Variants in PKHD1 observed in about 807,000 individuals in gnomAD.
PKHD1 encodes the protein fibrocystin.
PKHD1 carries 291 observed loss-of-function variants against 412.0 expected under a neutral mutation model. The ratio of observed to expected loss-of-function variants is 0.71; its 90% CI spans 0.64 to 0.78. PKHD1 has a LOEUF of 0.78. PKHD1 is among the 30% of genes least tolerant of loss of function. The probability of loss-of-function intolerance (pLI) is 0.00; values close to 1 mark genes in which losing one functional copy is unlikely to be tolerated. For missense variants in PKHD1, 4,825 were observed against 4,950.7 expected (o/e 0.97, Z 0.76); for synonymous variants, 1,777 against 1,821.5 (o/e 0.98, Z 0.62).
chr6:51,686,627 T>C (rs1186683900), intron 60 of PKHD1, among the ~76,000 whole-genome samples: 6 of 152,208 alleles, frequency 3.9e-5, no homozygotes, highest in Non-Finnish European at 1.5e-5. Context: ...TTATTTATTA[T>C]GTATATTACT....
At chr6:51,704,898 G>C (rs1779833797) in intron 60 of PKHD1, among the ~76,000 whole-genome samples, 2 of 151,936 alleles carry the variant, frequency 1.3e-5, no homozygotes, top group African/African-American at 4.8e-5. Flanking sequence ...GGAGAAGGCA[G>C]TTAAAGACAA....
At chr6:51,836,522 A>T in intron 50 of PKHD1, 53 bp from the exon 51 acceptor site, 1 of 1,248,802 alleles carries the variant, frequency 8.0e-7, no homozygotes, top group South Asian at 1.2e-5. Context: ...TCTTAATATT[A>T]AAGACAGTCA....
At chr6:52,030,939 T>A (rs1055979476) in intron 29 of PKHD1, among the ~76,000 whole-genome samples, 8 of 152,282 alleles carry the variant, frequency 5.3e-5, no homozygotes, top group Non-Finnish European at 8.8e-5. Flanking sequence ...AATTTAGCAC[T>A]GGCAGGCTTT....
intron 39 of PKHD1, 31 bp from the exon 40 acceptor site, chr6:51,909,505 A>G: frequency 1.3e-6 from 2 of 1,564,662 alleles, no homozygotes; most frequent in Non-Finnish European, 8.8e-7. Flanking sequence ...CAGAGAACCT[A>G]AAGCATGTAG....
chr6:52,062,577 T>C lies in PKHD1; in HGVS notation c.1060A>G (p.Ile354Val), dbSNP rs757418497. 1.2e-6 allele frequency: 2 copies of C among 1,614,130 alleles called. No individual in the cohort carries two copies. The highest frequency in any genetic ancestry group is 2.2e-5 in the South Asian group (2 of 91,086). ...TEATPGYRWQIVPNASSPFGF... is the reference protein window; with the variant it reads ...TEATPGYRWQVVPNASSPFGF... ...AATGGAGAACTGGCATTAGGGACAA[T>C]CTGCCACCTGTACCCTGGGGTGGCT... The change falls in exon 14 of 67, where the codon ATT becomes GTT. Residue 354 changes from isoleucine to valine, a missense_variant. By Grantham distance (29) the Ile-to-Val change is conservative. Coordinates refer to ENST00000371117, the MANE Select transcript of PKHD1 (RefSeq NM_138694.4).
chr6:51,777,673 C>A (rs12192846), intron 53 of PKHD1, among the ~76,000 whole-genome samples: 1 of 110,200 alleles, frequency 9.1e-6, no homozygotes. Flanking sequence ...AGTTTAGAGT[C>A]TTTGGGAAAA....
In PKHD1 at chr6:52,083,181, CA is replaced by C. The variant is rs760586271; in HGVS notation, c.126del (p.Phe42LeufsTer22). 1.2e-6 allele frequency: 2 copies of C among 1,601,722 alleles called. No homozygotes were observed. The highest frequency in any genetic ancestry group is 1.7e-6 in the Non-Finnish European group (2 of 1,168,816). On this transcript the variant is annotated frameshift_variant, in exon 3 of 67. Transcript: ENST00000371117. LOFTEE classifies it high-confidence loss of function. ...ACTTGGTAAAACCCCAACCTACCAT[CA>C]AAAATGACTGTGATCCACGTTCCCC... ...LAGGTWITVI[F>X]DGLELGVLYP...
rs200484364 is a variant in PKHD1 at position 52,084,948 on chromosome 6, T to C, written c.-15A>G. 45 of 1,557,312 alleles carry C rather than the reference T, an allele frequency of 2.9e-5. No individual in the cohort carries two copies. Among genetic ancestry groups the C allele is most frequent in the Non-Finnish European group, 4.0e-5 (45 of 1,128,448 alleles). On this transcript the variant is annotated 5_prime_UTR_variant, in exon 2 of 67. Coordinates refer to ENST00000371117, the MANE Select transcript of PKHD1 (RefSeq NM_138694.4). ...CAGGCAGTCATTCTGTCCACTTAAA[T>C]CAATACTCTTAAGATTGCTCAGACA...
rs1554156415 is a variant in PKHD1 at position 51,950,220 on chromosome 6, A to AT, written c.5908+9649_5908+9650insA. ...AATGGGCAATATAGAGAAAAAAAAA[A>AT]ATATATATATATATATATATGAAAT... is the stretch of plus-strand genomic sequence containing the variant. On this transcript the variant is annotated intron_variant, in intron 36 of 66. Coordinates refer to ENST00000371117, the MANE Select transcript of PKHD1 (RefSeq NM_138694.4). 6.9e-3 allele frequency among the ~76,000 whole-genome samples: 680 copies of AT among 98,302 alleles called. 12 individuals are homozygous for AT. The highest frequency in any genetic ancestry group is 0.013 in the African/African-American group (352 of 26,494). The allele number at this position is 98,302 out of a possible 152,430, so 64.5% of individuals were successfully genotyped here.
rs145679664 is a variant in PKHD1 at position 51,983,149 on chromosome 6, A to G, written c.5752-23123T>C. Among the ~76,000 whole-genome samples, 814 of 152,336 alleles carry G rather than the reference A, an allele frequency of 5.3e-3. 6 individuals are homozygous for G. The highest frequency in any genetic ancestry group is 0.019 in the African/African-American group (786 of 41,578). The stretch of plus-strand genomic sequence containing the variant: ...ATTAATTTGTCAGAGAATTTAACAC[A>G]GCAGGACTATCCACAGTCATAACTG... On this transcript the variant is annotated intron_variant, in intron 35 of 66. Coordinates refer to ENST00000371117, the MANE Select transcript of PKHD1 (RefSeq NM_138694.4).
At chr6:52,051,347 C>A (rs1396381372) in intron 21 of PKHD1, among the ~76,000 whole-genome samples, 1 of 152,170 alleles carries the variant, frequency 6.6e-6, no homozygotes, top group East Asian at 1.9e-4. Context: ...TCATAGAGGA[C>A]ATTAGTCAGG....
chr6:51,682,248 G>A (rs1160464715), intron 60 of PKHD1: 1 of 454,864 alleles, frequency 2.2e-6, no homozygotes, highest in Non-Finnish European at 4.4e-6. Context: ...GGAGACCTAG[G>A]ATGAAAACAG....
At chr6:51,714,676 C>T (rs1781046551) in intron 60 of PKHD1, among the ~76,000 whole-genome samples, 1 of 152,166 alleles carries the variant, frequency 6.6e-6, no homozygotes, top group African/African-American at 2.4e-5. Flanking sequence ...GGCTAGCAGG[C>T]TACCATATTG....
At chr6:51,961,481 T>A (rs894177535) in intron 35 of PKHD1, among the ~76,000 whole-genome samples, 10 of 152,084 alleles carry the variant, frequency 6.6e-5, no homozygotes, top group African/African-American at 2.4e-4. Context: ...TCCAGGAGCA[T>A]CGTTGTGAAC....
chr6:51,777,097 C>T (rs966671496), intron 53 of PKHD1, among the ~76,000 whole-genome samples: 8 of 152,082 alleles, frequency 5.3e-5, no homozygotes, highest in Non-Finnish European at 8.8e-5. Flanking sequence ...CTATCAAATG[C>T]GACTTCCCAG....
chr6:51,979,570 A>G (rs2435324), intron 35 of PKHD1, among the ~76,000 whole-genome samples: 148,311 of 151,496 alleles, frequency 0.98, 72,688 homozygotes, highest in East Asian at 1. Context: ...CTCTCCCCCC[A>G]ACACATAGTC....
Position 51,748,278 on chromosome 6 carries a change from G to A in PKHD1, c.9338C>T (p.Ser3113Phe). The stretch of plus-strand genomic sequence containing the variant: ...ATTGTCAGACCAAAGCAGTTCACAA[G>A]AGGAGCACTTGTGGCCTCGGATGTG... ...GFHIRGHKCS[S>F]CELLWSDNVA... is the part of the protein sequence containing the mutation. Residue 3113 changes from serine (S) to phenylalanine (F), a missense_variant, in exon 58 of 67, where the codon TCT becomes TTT. Coordinates refer to ENST00000371117, the MANE Select transcript of PKHD1 (RefSeq NM_138694.4). 6.2e-7 allele frequency: 1 copy of A among 1,614,024 alleles called. No homozygotes were observed. The highest frequency in any genetic ancestry group is 8.5e-7 in the Non-Finnish European group (1 of 1,179,958).
At chr6:51,779,928 GATC>G (rs1462926826) in intron 53 of PKHD1, among the ~76,000 whole-genome samples, 2 of 152,142 alleles carry the variant, frequency 1.3e-5, no homozygotes, top group East Asian at 3.9e-4. Context: ...TAAAAAAACT[GATC>G]ATATGATGAT....
At chr6:51,636,244 T>C (rs1189409664) in intron 64 of PKHD1, among the ~76,000 whole-genome samples, 5 of 152,164 alleles carry the variant, frequency 3.3e-5, no homozygotes, top group Non-Finnish European at 7.4e-5. Flanking sequence ...GTGGAAATGA[T>C]TGCAAATTCT....
Sources: gnomAD v4.1 joint callset for allele counts (sites outside exome capture counted in the v4.1 genomes callset) on GRCh38, gnomAD v4.1.1 for gene constraint, MANE v1.5 for transcripts, NCBI Gene and HGNC (gene_info 2026-07-23, HGNC 2026-07-21) for gene names.